The following AGMO variants were observed in gnomAD, a reference collection of about 807,000 sequenced individuals.
AGMO encodes the protein alkylglycerol monooxygenase, also known as glyceryl-ether monooxygenase.
In AGMO, 75 loss-of-function variants were observed where a neutral mutation model predicts 60.2. The ratio of observed to expected loss-of-function variants is 1.25; its 90% CI spans 1.03 to 1.51. AGMO has a LOEUF of 1.51. Among genes scored for constraint, AGMO ranks in the 40% most tolerant of loss-of-function variants. AGMO has a pLI of 0.00. For synonymous variants in AGMO, 261 were observed against 177.1 expected, an observed-to-expected ratio of 1.47 and a Z score of -3.76; for missense variants, 763 against 525.5, an observed-to-expected ratio of 1.45 and a Z score of -4.42.
At chr7:15,334,992 T>C (rs532356218) in intron 12 of AGMO, among the ~76,000 whole-genome samples, 77 of 152,286 alleles carry the variant, frequency 5.1e-4, no homozygotes, top group Non-Finnish European at 1.1e-3. Flanking sequence ...TGGATTTTTA[T>C]TGGAGATGGA....
chr7:15,400,669 T>C (rs1458968700), intron 5 of AGMO, among the ~76,000 whole-genome samples: 2 of 152,028 alleles, frequency 1.3e-5, no homozygotes, highest in Non-Finnish European at 1.5e-5. Flanking sequence ...TGATCTTTGA[T>C]CAAGTGAGTT....
At chr7:15,125,140 C>G in the AGMO span, among the ~76,000 whole-genome samples, 1 of 152,130 alleles carries the variant, frequency 6.6e-6, no homozygotes. Flanking sequence ...CCTGTATGTG[C>G]AAGCTCTTGT....
intron 12 of AGMO, among the ~76,000 whole-genome samples, chr7:15,289,530 T>C (rs1784195136): frequency 1.3e-5 from 2 of 151,636 alleles, no homozygotes; most frequent in Non-Finnish European, 2.9e-5. Context: ...ACCAAGTATA[T>C]ATTATCTCCA....
chr7:15,454,801 T>C (rs1781956005), intron 3 of AGMO, among the ~76,000 whole-genome samples: 1 of 152,088 alleles, frequency 6.6e-6, no homozygotes, highest in African/African-American at 2.4e-5. Context: ...TGTATCAAAG[T>C]AATACATATT....
intron 10 of AGMO, among the ~76,000 whole-genome samples, chr7:15,370,580 A>G (rs969935654): frequency 2.0e-5 from 3 of 152,222 alleles, no homozygotes; most frequent in Non-Finnish European, 4.4e-5. Flanking sequence ...AACAATAGCC[A>G]TTCTTACTGG....
intron 12 of AGMO, among the ~76,000 whole-genome samples, chr7:15,293,116 A>G (rs981948211): frequency 1.7e-4 from 26 of 152,104 alleles, no homozygotes; most frequent in African/African-American, 5.1e-4. Context: ...AAACAATCAC[A>G]TATTCATTCT....
At chr7:15,243,401 T>TA (rs1782649541) in intron 12 of AGMO, among the ~76,000 whole-genome samples, 1 of 152,114 alleles carries the variant, frequency 6.6e-6, no homozygotes, top group Non-Finnish European at 1.5e-5. Flanking sequence ...TGTTTTTTTT[T>TA]TACAAGTTAG....
At chr7:15,150,647 A>G in the AGMO span, among the ~76,000 whole-genome samples, 6 of 152,124 alleles carry the variant, frequency 3.9e-5, no homozygotes, top group Non-Finnish European at 7.4e-5. Context: ...TCTCAGGAAT[A>G]AAGCCTACCT....
chr7:15,250,878 G>C (rs1425331043), intron 12 of AGMO, among the ~76,000 whole-genome samples: 1 of 151,886 alleles, frequency 6.6e-6, no homozygotes, highest in East Asian at 1.9e-4. Context: ...CCGGGAGGCA[G>C]ACGTTGCAGT....
chr7:15,132,718 A>C, the AGMO span, among the ~76,000 whole-genome samples: 1 of 152,190 alleles, frequency 6.6e-6, no homozygotes, highest in Non-Finnish European at 1.5e-5. Context: ...TAGAATGTGA[A>C]TCAAGGCAGT....
intron 3 of AGMO, among the ~76,000 whole-genome samples, chr7:15,525,490 C>T (rs1784104237): frequency 6.6e-6 from 1 of 152,132 alleles, no homozygotes; most frequent in Non-Finnish European, 1.5e-5. Context: ...AATCAGCATG[C>T]ACTCCCCAAT....
chr7:15,238,211 G>A (rs933582440), intron 12 of AGMO, among the ~76,000 whole-genome samples: 1 of 151,706 alleles, frequency 6.6e-6, no homozygotes, highest in African/African-American at 2.4e-5. Context: ...AAGTGTCTGT[G>A]GCAATTTTTC....
At chr7:15,307,103 A>T (rs1329719017) in intron 12 of AGMO, among the ~76,000 whole-genome samples, 1 of 152,052 alleles carries the variant, frequency 6.6e-6, no homozygotes, top group Non-Finnish European at 1.5e-5. Flanking sequence ...TAATAGGACA[A>T]ATCTACTAGT....
At chr7:15,498,839 A>C (rs1783304253) in intron 3 of AGMO, among the ~76,000 whole-genome samples, 1 of 151,890 alleles carries the variant, frequency 6.6e-6, no homozygotes, top group African/African-American at 2.4e-5. Flanking sequence ...TCTCTTGTAT[A>C]TTTTCTCAGC....
rs1249685502 is a variant in AGMO, at chr7:15,323,612, G to C, written c.1263+41902C>G. Among the ~76,000 whole-genome samples the C allele has an allele frequency of 2.0e-5, 3 of 152,162 alleles. No homozygotes were observed. In the East Asian group the frequency reaches 5.8e-4, roughly 29 times the overall value. ...CACTCCCAATTTCTTATAATATTTA[G>C]ACAGAAAATAACGCGCTGATTCTCA... On this transcript the variant is annotated intron_variant, in intron 12 of 12. Coordinates refer to ENST00000342526, the MANE Select transcript of AGMO (RefSeq NM_001004320.2).
chr7:15,196,337 C>T (rs977977102), downstream of AGMO, among the ~76,000 whole-genome samples: 2 of 152,128 alleles, frequency 1.3e-5, no homozygotes, highest in East Asian at 1.9e-4. Context: ...GTGTGAGCCA[C>T]CACGCCCGGC....
intron 6 of AGMO, among the ~76,000 whole-genome samples, chr7:15,391,561 A>G (rs1784142102): frequency 2.0e-5 from 3 of 152,206 alleles, no homozygotes; most frequent in African/African-American, 7.2e-5. Context: ...AAGAAAAAGA[A>G]TAATTAATTA....
chr7:15,534,401 A>G (rs1281131713), intron 3 of AGMO, among the ~76,000 whole-genome samples: 1 of 152,062 alleles, frequency 6.6e-6, no homozygotes, highest in Non-Finnish European at 1.5e-5. Context: ...TTTACTAGAA[A>G]GAAATCAAAT....
chr7:15,366,057 A>G (rs1782963937), intron 11 of AGMO, 83 bp downstream of exon 11: 2 of 997,080 alleles, frequency 2.0e-6, no homozygotes, highest in Non-Finnish European at 3.0e-6. Context: ...CACTAGTTAC[A>G]TAATATACTG....
Sources: gnomAD v4.1 joint callset for allele counts (sites outside exome capture counted in the v4.1 genomes callset) on GRCh38, gnomAD v4.1.1 for gene constraint, MANE v1.5 for transcripts, NCBI Gene and HGNC (gene_info 2026-07-23, HGNC 2026-07-21) for gene names.